The following CCDC78 variants were observed in gnomAD, a reference collection of about 807,000 sequenced individuals.
The protein encoded by CCDC78 is coiled-coil domain-containing protein 78.
In CCDC78, 78 loss-of-function variants were observed where a neutral mutation model predicts 61.9. The observed-to-expected ratio is 1.26, with a 90% CI of 1.05 to 1.52. The LOEUF is 1.52. CCDC78 is among the 40% of genes most tolerant of loss of function. The pLI, the probability that CCDC78 is intolerant of heterozygous loss-of-function variation, is 0.00. For missense variants in CCDC78, 737 were observed against 615.5 expected (o/e 1.20, Z -2.09); for synonymous variants, 287 against 251.9 (o/e 1.14, Z -1.32).
chr16:723,270 G>A, intron 11 of CCDC78, 109 bp from the exon 12 acceptor site: 1 of 1,205,338 alleles, frequency 8.3e-7, no homozygotes, highest in Non-Finnish European at 1.2e-6. Context: ...GGACACCTGG[G>A]AGTGAGTGAG....
Position 726,070 on chromosome 16 carries a change from T to G in CCDC78, c.76A>C (p.Lys26Gln). 1 of 1,548,800 alleles carries G rather than the reference T, an allele frequency of 6.5e-7. No homozygotes were observed. The highest frequency in any genetic ancestry group is 8.7e-7 in the Non-Finnish European group (1 of 1,146,688). The change falls in exon 2 of 14, where the codon AAG becomes CAG. Residue 26 changes from lysine to glutamine, a missense_variant. Physicochemically the swap from Lys to Gln is moderately conservative, Grantham distance 53. Transcript: ENST00000345165. ...RRVENVVLRA[K>Q]DWLPGAPGGT... ...CCAGGAGCTCCTGGCAGCCAGTCCT[T>G]GGCTCGTAGCACAACCTGGGGAGGT... is the stretch of plus-strand genomic sequence containing the variant.
In CCDC78 at chr16:725,425, G is replaced by T. The variant is rs1343103829; in HGVS notation, c.423C>A (p.Asp141Glu). The T allele has an allele frequency of 6.2e-7, 1 of 1,612,686 alleles. No individual in the cohort carries two copies. Among genetic ancestry groups the T allele is most frequent in the South Asian group, 1.1e-5 (1 of 91,080 alleles). The change falls in exon 4 of 14, where the codon GAC (aspartate) becomes GAA (glutamate). Residue 141 changes from aspartate to glutamate, a missense_variant. Asp to Glu is a conservative substitution (Grantham distance 45, BLOSUM62 2). Transcript: ENST00000345165. ...TGCTCATGGTAACCTGGAATCTGTG[G>T]TCATCAGAGTGTCCAGGCACCTGGG... ...HKAQVPGHSD[D>E]HRFQVQPKNT...
chr16:724,064 G>A, intron 10 of CCDC78, 42 bp downstream of exon 10: 1 of 1,490,114 alleles, frequency 6.7e-7, no homozygotes, highest in Non-Finnish European at 8.9e-7. Context: ...GGGTGGGTGG[G>A]GGGCACCCGG....
intron 11 of CCDC78, chr16:723,582 G>T: frequency 1.5e-6 from 1 of 685,576 alleles, no homozygotes; most frequent in Non-Finnish European, 2.7e-6. Context: ...CGTCCTCCAG[G>T]TCTCAGCGGA....
chr16:725,045 C>T, intron 6 of CCDC78, 33 bp downstream of exon 6: 1 of 1,612,618 alleles, frequency 6.2e-7, no homozygotes, highest in Non-Finnish European at 8.5e-7. Context: ...CTCTCTGCTC[C>T]AGGATGGGGC....
intron 3 of CCDC78, 38 bp from the exon 4 acceptor site, chr16:725,618 C>A: frequency 6.3e-7 from 1 of 1,592,512 alleles, no homozygotes; most frequent in Non-Finnish European, 8.6e-7. Flanking sequence ...CACCTGCCCG[C>A]GGGCCACCTG....
At chr16:726,126 GCT>G in intron 1 of CCDC78, 41 bp from the exon 2 acceptor site, 1 of 1,549,830 alleles carries the variant, frequency 6.5e-7, no homozygotes, top group Non-Finnish European at 8.7e-7. Flanking sequence ...TGGGTCCCAG[GCT>G]GGGCTGTGGC....
In CCDC78 at chr16:722,759, C is replaced by T. The variant is rs748762375; in HGVS notation, c.1332G>A (p.Lys444=). 7.4e-6 allele frequency: 12 copies of T among 1,612,504 alleles called. No individual in the cohort carries two copies. Among genetic ancestry groups the T allele is most frequent in the Middle Eastern group, 1.7e-4 (1 of 6,060 alleles). ...RYKHEILRLR[K]LAGAGDPWKV... is the part of the protein sequence containing the mutation. The stretch of plus-strand genomic sequence containing the variant: ...TCCAGGGGTCCCCTGCACCTGCCAG[C>T]TTCCTCAGCCTCAGGATTTCGTGCT... The change falls in exon 14 of 14, where the codon AAG becomes AAA. Residue 444 remains lysine, a synonymous_variant. Transcript: ENST00000345165.
chr16:722,610 G>C lies in CCDC78; in HGVS notation c.*68C>G, dbSNP rs2040301988. The stretch of plus-strand genomic sequence containing the variant: ...GTTCTATCCTGACTCATGTTTTATG[G>C]GGGGCTGGGTGGGAGGGTTCTGTGC... On this transcript the variant is annotated 3_prime_UTR_variant, in exon 14 of 14. Transcript: ENST00000345165. 1 of 1,589,472 alleles carries C rather than the reference G, an allele frequency of 6.3e-7. No individual in the cohort carries two copies. Among genetic ancestry groups the C allele is most frequent in the Non-Finnish European group, 8.5e-7 (1 of 1,171,138 alleles).
At position 724,995 on chromosome 16, in the gene CCDC78, G is replaced by A. The variant is rs772411792; in HGVS notation, c.561-6C>T. 2 of 1,612,110 alleles carry A rather than the reference G, an allele frequency of 1.2e-6. No individual in the cohort carries two copies. The highest frequency in any genetic ancestry group is 1.7e-6 in the Non-Finnish European group (2 of 1,179,644). ...GCTGCCGGCCCAGGGTTGCCCTGAA[G>A]ACACGGGGGTGAGGCTCAGCAGGCC... is the stretch of plus-strand genomic sequence containing the variant. On this transcript the variant is annotated splice_polypyrimidine_tract_variant and splice_region_variant and intron_variant, in intron 6 of 13. Transcript: ENST00000345165.
At position 724,708 on chromosome 16, in the gene CCDC78, C is replaced by T; in HGVS notation, c.738G>A (p.Arg246=). Residue 246 remains arginine (R), a synonymous_variant, in exon 8 of 14, where the codon CGG becomes CGA. Coordinates refer to ENST00000345165, the MANE Select transcript of CCDC78 (RefSeq NM_001378030.1). The part of the protein sequence containing the change: ...LKKLKDEYVL[R]LQHCAWQAVE... ...CTGCCTGCCAGGCGCAGTGTTGCAG[C>T]CGTAGGACGTACTCATCCTTCAGTT... The T allele has an allele frequency of 6.2e-7, 1 of 1,611,816 alleles. No individual in the cohort carries two copies. The highest frequency in any genetic ancestry group is 1.1e-5 in the South Asian group (1 of 90,950).
At chr16:723,220 AGACGT>A (rs1359939229) in intron 11 of CCDC78, 59 bp from the exon 12 acceptor site, 6 of 1,568,278 alleles carry the variant, frequency 3.8e-6, no homozygotes, top group Non-Finnish European at 4.4e-6. Context: ...ACACAGGGAC[AGACGT>A]GACCGTGCTG....
At chr16:725,389 G>C (rs754205598) in intron 4 of CCDC78, 24 bp downstream of exon 4, 3 of 1,612,038 alleles carry the variant, frequency 1.9e-6, no homozygotes, top group Non-Finnish European at 2.5e-6. Flanking sequence ...TTCCCAGCCA[G>C]GCTCTCCATA....
intron 11 of CCDC78, 170 bp downstream of exon 11, chr16:723,687 G>T (rs1319382401): frequency 2.8e-6 from 2 of 710,974 alleles, no homozygotes; most frequent in Non-Finnish European, 5.1e-6. Context: ...TATCAGTGTC[G>T]CCGGGACCCA....
At chr16:726,698 G>A, upstream of CCDC78, 1 of 475,774 alleles carries the variant, frequency 2.1e-6, no homozygotes, top group Non-Finnish European at 3.8e-6. Context: ...CAGCCCGCCC[G>A]CAGGATGCCC....
upstream of CCDC78, chr16:726,724 G>T: frequency 2.4e-6 from 1 of 422,530 alleles, no homozygotes; most frequent in South Asian, 3.1e-5. Context: ...TACACTCGCT[G>T]GACACCTTCT....
chr16:724,424 G>A lies in CCDC78; in HGVS notation c.851C>T (p.Ala284Val), dbSNP rs749614530. 5.0e-6 allele frequency: 8 copies of A among 1,608,366 alleles called. No individual in the cohort carries two copies. Among genetic ancestry groups the A allele is most frequent in the East Asian group, 2.2e-5 (1 of 44,880 alleles). ...CAGCTGCTGCTCACGGCTGCGGTGC[G>A]CTGCCCGGATGTCCTCCAGAGTCGC... Reference protein sequence around the residue: ...LEATLEDIRAAHRSREQQLAR... With the variant: ...LEATLEDIRAVHRSREQQLAR... Residue 284 changes from alanine (A) to valine (V), a missense_variant, in exon 9 of 14, where the codon GCG (alanine) becomes GTG (valine). By Grantham distance (64) the Ala-to-Val change is moderately conservative (BLOSUM62 0). Transcript: ENST00000345165.
upstream of CCDC78, chr16:726,512 G>A: frequency 9.4e-6 from 9 of 956,366 alleles, no homozygotes; most frequent in African/African-American, 5.0e-5. Flanking sequence ...GCCCACAGGG[G>A]CCGGCCAGAC....
Position 725,284 on chromosome 16 carries a change from T to C in CCDC78, c.445A>G (p.Lys149Glu). 1 of 1,607,630 alleles carries C rather than the reference T, an allele frequency of 6.2e-7. No individual in the cohort carries two copies. Among genetic ancestry groups the C allele is most frequent in the Non-Finnish European group, 8.5e-7 (1 of 1,179,960 alleles). The change falls in exon 5 of 14, where the codon AAG (lysine) becomes GAG (glutamate). Residue 149 changes from lysine to glutamate, a missense_variant. Transcript: ENST00000345165. ...TCATTCTCGGGGTTCATGGTGTTCTTGGGCTGCACCTGAATGGAAGGGAGG... is the reference window on the plus strand; with the variant it reads ...TCATTCTCGGGGTTCATGGTGTTCTCGGGCTGCACCTGAATGGAAGGGAGG... ...SDDHRFQVQP[K>E]NTMNPENEQH... is the part of the protein sequence containing the mutation.
Sources: allele counts gnomAD v4.1 joint callset, GRCh38; gene constraint gnomAD v4.1.1; transcripts MANE v1.5; gene names NCBI Gene and HGNC (gene_info 2026-07-23, HGNC 2026-07-21).